PDE4D: variants seen among roughly 807,000 people sequenced by gnomAD.
The protein encoded by PDE4D is phosphodiesterase 4D.
A neutral mutation model predicts 87.4 loss-of-function variants in PDE4D; 24 were observed. The observed-to-expected ratio is 0.27, with a 90% confidence interval of 0.20 to 0.39. The LOEUF (loss-of-function observed/expected upper bound fraction) is 0.39. Among genes scored for constraint, PDE4D ranks in the 10% least tolerant of loss-of-function variants. PDE4D has a pLI of 1.00. For missense variants in PDE4D, 714 were observed against 1,041.0 expected, an observed-to-expected ratio of 0.69 and a Z score of 4.32; for synonymous variants, 384 against 383.2, an observed-to-expected ratio of 1.00 and a Z score of -0.02.
At chr5:59,979,907 T>C (rs1428821429) in intron 3 of PDE4D, among the ~76,000 whole-genome samples, 2 of 152,168 alleles carry the variant, frequency 1.3e-5, no homozygotes, top group Admixed American at 1.3e-4. Context: ...ATACAGATTT[T>C]TTAAAAGAAA....
chr5:60,112,781 T>C (rs1777805344), intron 2 of PDE4D, among the ~76,000 whole-genome samples: 2 of 152,040 alleles, frequency 1.3e-5, no homozygotes, highest in African/African-American at 4.8e-5. Context: ...TATCCTACAC[T>C]ATACAAGGTC....
chr5:59,033,845 T>G (rs895638167), intron 6 of PDE4D, among the ~76,000 whole-genome samples: 2 of 152,144 alleles, frequency 1.3e-5, no homozygotes, highest in African/African-American at 4.8e-5. Context: ...AAAAAGAAAT[T>G]TATCTAGTAA....
At chr5:60,462,595 A>G (rs777552659) in intron 1 of PDE4D, among the ~76,000 whole-genome samples, 11 of 152,152 alleles carry the variant, frequency 7.2e-5, no homozygotes, top group Non-Finnish European at 1.6e-4. Flanking sequence ...GAGTATCTCA[A>G]CCAGGACACT....
At chr5:60,240,255 C>A (rs1473302719) in intron 1 of PDE4D, among the ~76,000 whole-genome samples, 1 of 152,076 alleles carries the variant, frequency 6.6e-6, no homozygotes, top group African/African-American at 2.4e-5. Flanking sequence ...GAAGGCCCCA[C>A]TGATTGTCCC....
At chr5:59,746,372 T>G (rs1759608893) in intron 1 of PDE4D, among the ~76,000 whole-genome samples, 1 of 152,132 alleles carries the variant, frequency 6.6e-6, no homozygotes, top group African/African-American at 2.4e-5. Flanking sequence ...ACCTGGCCAG[T>G]CTGGTACCCA....
chr5:59,719,094 T>C (rs1268688150), intron 1 of PDE4D, among the ~76,000 whole-genome samples: 5 of 151,166 alleles, frequency 3.3e-5, no homozygotes, highest in African/African-American at 7.3e-5. Flanking sequence ...ACTAAAGGGG[T>C]GAACTTTTGA....
At chr5:59,615,059 A>G (rs1829489366) in intron 1 of PDE4D, among the ~76,000 whole-genome samples, 1 of 152,046 alleles carries the variant, frequency 6.6e-6, no homozygotes, top group African/African-American at 2.4e-5. Context: ...CAAACTCTTG[A>G]GCTCAAGCGA....
chr5:60,404,430 G>A (rs1391008171), intron 1 of PDE4D, among the ~76,000 whole-genome samples: 1 of 152,142 alleles, frequency 6.6e-6, no homozygotes, highest in African/African-American at 2.4e-5. Context: ...AAAACTCTCT[G>A]ATGTCAGGTC....
chr5:60,119,725 C>T lies in PDE4D; in HGVS notation c.42+65832G>A, dbSNP rs1425002096. Reference sequence around the variant, plus strand: ...ACACACATAGTAAGTATATGTGGTACACACACTCATACTCACACTCACACA... The same window carrying T: ...ACACACATAGTAAGTATATGTGGTATACACACTCATACTCACACTCACACA... On this transcript the variant is annotated intron_variant, in intron 2 of 16. Transcript: ENST00000502484. 2.0e-5 allele frequency among the ~76,000 whole-genome samples: 3 copies of T among 152,170 alleles called. No individual in the cohort carries two copies. The East Asian group carries it at 5.8e-4, about 29-fold the overall frequency.
At chr5:59,717,447 A>G (rs1223268925) in intron 1 of PDE4D, among the ~76,000 whole-genome samples, 1 of 152,226 alleles carries the variant, frequency 6.6e-6, no homozygotes, top group African/African-American at 2.4e-5. Context: ...CTGTTTGTAA[A>G]GAATATAAAA....
rs139350844 is a variant in PDE4D at position 60,420,981 on chromosome 5, G to A, written c.-90+66961C>T. Among the ~76,000 whole-genome samples the A allele has an allele frequency of 5.2e-3, 788 of 152,352 alleles. 7 individuals are homozygous for A. The highest frequency in any genetic ancestry group is 0.017 in the Middle Eastern group (5 of 294). ...CTGCGAGGCAGCAGCCTGGTGGGGG[G>A]AGGGGTGTTCACCATTGCTGAGGCT... is the stretch of plus-strand genomic sequence containing the variant. On this transcript the variant is annotated intron_variant, in intron 1 of 16. Coordinates refer to the PDE4D transcript ENST00000502484.
chr5:59,169,752 C>T (rs1454003437), intron 5 of PDE4D, among the ~76,000 whole-genome samples: 1 of 152,190 alleles, frequency 6.6e-6, no homozygotes, highest in Non-Finnish European at 1.5e-5. Context: ...AGCCCTCTCA[C>T]CTGCTTTCTT....
chr5:59,491,720 C>T (rs894290589), intron 1 of PDE4D, among the ~76,000 whole-genome samples: 2 of 152,136 alleles, frequency 1.3e-5, no homozygotes, highest in African/African-American at 4.8e-5. Context: ...TACCTTATTT[C>T]TTACTTAATC....
At chr5:59,499,775 T>C (rs994389180) in intron 1 of PDE4D, among the ~76,000 whole-genome samples, 1 of 150,402 alleles carries the variant, frequency 6.6e-6, no homozygotes, top group Non-Finnish European at 1.5e-5. Flanking sequence ...ATTGAATCAG[T>C]AATAAAAAAC....
chr5:59,233,004 G>A (rs7719732), intron 1 of PDE4D, among the ~76,000 whole-genome samples: 1,544 of 152,168 alleles, frequency 0.01, 31 homozygotes, highest in African/African-American at 0.034. Flanking sequence ...TATCATGAAG[G>A]TAATAGAATG....
At chr5:60,050,050 G>T (rs575553171) in intron 2 of PDE4D, among the ~76,000 whole-genome samples, 3 of 152,342 alleles carry the variant, frequency 2.0e-5, no homozygotes, top group African/African-American at 7.2e-5. Context: ...CAAGCCAGGT[G>T]CAGGATATAA....
At chr5:59,611,545 C>T (rs1033639180) in intron 1 of PDE4D, among the ~76,000 whole-genome samples, 1 of 152,142 alleles carries the variant, frequency 6.6e-6, no homozygotes, top group Non-Finnish European at 1.5e-5. Context: ...CCCGTCTCCA[C>T]ACTAGGATAC....
At chr5:60,016,985 G>A (rs2152849287) in intron 2 of PDE4D, among the ~76,000 whole-genome samples, 1 of 152,326 alleles carries the variant, frequency 6.6e-6, no homozygotes, top group East Asian at 1.9e-4. Flanking sequence ...TGTATGAAAT[G>A]TGTTTCTTAA....
chr5:59,500,262 C>T (rs150010657), intron 1 of PDE4D, among the ~76,000 whole-genome samples: 2 of 152,194 alleles, frequency 1.3e-5, no homozygotes, highest in East Asian at 3.9e-4. Context: ...TGAGTGTATA[C>T]CCAAAGGAAA....
Sources: allele counts gnomAD v4.1 joint callset (sites outside exome capture counted in the v4.1 genomes callset), GRCh38; gene constraint gnomAD v4.1.1; transcripts MANE v1.5; gene names NCBI Gene and HGNC (gene_info 2026-07-23, HGNC 2026-07-21).